Variants in TG observed in about 807,000 individuals in gnomAD.
TG encodes thyroglobulin.
TG carries 270 observed loss-of-function variants against 324.7 expected under a neutral mutation model. That is an observed-to-expected ratio of 0.83 (90% CI 0.75 to 0.92). The LOEUF (loss-of-function observed/expected upper bound fraction) is 0.92. Ranked by LOEUF, TG falls within the 40% of genes least tolerant of loss-of-function variation. The probability of loss-of-function intolerance (pLI) is 0.00; values close to 1 mark genes in which losing one functional copy is unlikely to be tolerated. For synonymous variants in TG, 1,401 were observed against 1,327.0 expected, an observed-to-expected ratio of 1.06 and a Z score of -1.21; for missense variants, 3,591 against 3,456.4, an observed-to-expected ratio of 1.04 and a Z score of -0.98.
intron 41 of TG, chr8:133,040,000 G>A (rs1430502348): frequency 6.5e-7 from 1 of 1,550,114 alleles, no homozygotes; most frequent in African/African-American, 1.4e-5. Context: ...ATACTCACCT[G>A]GACACTCTCC....
At chr8:133,100,437 T>A (rs1335738521) in intron 43 of TG, among the ~76,000 whole-genome samples, 1 of 152,228 alleles carries the variant, frequency 6.6e-6, no homozygotes, top group East Asian at 1.9e-4. Flanking sequence ...ATGTTTCTAG[T>A]TCTGCTAGAC....
At position 132,983,415 on chromosome 8, in the gene TG, A is replaced by G. The variant is rs778917764; in HGVS notation, c.6262+3A>G. On this transcript the variant is annotated splice_donor_region_variant and intron_variant, in intron 35 of 47. Coordinates refer to ENST00000220616, the MANE Select transcript of TG (RefSeq NM_003235.5). ...TCTGCCTTCCCTCACAGAGAAAGGT[A>G]AGTTCATTGTCTTTTTATCTCTTGG... The G allele has an allele frequency of 6.2e-7, 1 of 1,613,334 alleles. No homozygotes were observed. Among genetic ancestry groups the G allele is most frequent in the Non-Finnish European group, 8.5e-7 (1 of 1,179,246 alleles).
At position 132,901,569 on chromosome 8, in the gene TG, C is replaced by T; in HGVS notation, c.3634+16C>T. On this transcript the variant is annotated intron_variant, in intron 16 of 47. Coordinates refer to ENST00000220616, the MANE Select transcript of TG (RefSeq NM_003235.5). ...GCCTGTGAGAGTAAGTCATGACCCC[C>T]TGGGGGGACGACGAGGCCTGCATAT... The T allele has an allele frequency of 1.2e-6, 2 of 1,608,722 alleles. No individual in the cohort carries two copies. Among genetic ancestry groups the T allele is most frequent in the East Asian group, 2.2e-5 (1 of 44,778 alleles).
chr8:132,961,946 G>A (rs1246775545), intron 28 of TG, among the ~76,000 whole-genome samples: 1 of 152,146 alleles, frequency 6.6e-6, no homozygotes, highest in Non-Finnish European at 1.5e-5. Context: ...CCCCATTCAT[G>A]TGCCTGGGAG....
chr8:133,018,112 G>C, intron 38 of TG, 115 bp downstream of exon 38: 1 of 994,104 alleles, frequency 1.0e-6, no homozygotes, highest in Non-Finnish European at 1.5e-6. Flanking sequence ...GCAATGTATG[G>C]AGGATGGAAT....
intron 41 of TG, among the ~76,000 whole-genome samples, chr8:133,061,394 A>G (rs907470513): frequency 3.3e-5 from 5 of 152,254 alleles, no homozygotes; most frequent in Non-Finnish European, 5.9e-5. Flanking sequence ...GAGATAAAGC[A>G]TGGGAACCAC....
chr8:132,918,786 C>T (rs977822526), intron 20 of TG, among the ~76,000 whole-genome samples: 49 of 152,284 alleles, frequency 3.2e-4, no homozygotes, highest in East Asian at 9.7e-4. Flanking sequence ...GTAAGAAAAA[C>T]GGATTAAAAT....
At position 132,929,104 on chromosome 8, in the gene TG, A is replaced by G; in HGVS notation, c.4728A>G (p.Glu1576=). The part of the protein sequence containing the change: ...LMMQKFEKVP[E]SKVIFDANAP... ...TGCAGAAGTTTGAGAAGGTTCCAGA[A>G]TCAAAGGTGATCTTCGACGCCAATG... The change falls in exon 23 of 48, where the codon GAA becomes GAG. Residue 1576 remains glutamate, a synonymous_variant. Coordinates refer to ENST00000220616, the MANE Select transcript of TG (RefSeq NM_003235.5). 6.2e-7 allele frequency: 1 copy of G among 1,614,070 alleles called. No individual in the cohort carries two copies. Among genetic ancestry groups the G allele is most frequent in the Non-Finnish European group, 8.5e-7 (1 of 1,180,018 alleles).
chr8:132,886,720 T>C lies in TG; in HGVS notation c.1348T>C (p.Ser450Pro), dbSNP rs1460459639. Residue 450 changes from serine to proline, a missense_variant, in exon 9 of 48, where the codon TCC becomes CCC. Ser to Pro is a moderately conservative substitution (Grantham distance 74). Coordinates refer to ENST00000220616, the MANE Select transcript of TG (RefSeq NM_003235.5). ...LKEAIRAIFP[S>P]RGLARLALQF... ...AGAAGCCATCCGAGCAATTTTTCCC[T>C]CCCGAGGGCTGGCTCGTCTTGCCCT... is the stretch of plus-strand genomic sequence containing the variant. 6.2e-7 allele frequency: 1 copy of C among 1,614,088 alleles called. No homozygotes were observed. Among genetic ancestry groups the C allele is most frequent in the Non-Finnish European group, 8.5e-7 (1 of 1,180,024 alleles).
chr8:133,133,736 G>C lies in TG; in HGVS notation c.8188+76G>C, dbSNP rs1417116968. On this transcript the variant is annotated intron_variant, in intron 47 of 47. Coordinates refer to ENST00000220616, the MANE Select transcript of TG (RefSeq NM_003235.5). Reference sequence around the variant, plus strand: ...CTGCTGTGCTCGCTGCATGAGACCTGTGCTGCGCGCGCATTGGAGCCAAGG... The same window carrying C: ...CTGCTGTGCTCGCTGCATGAGACCTCTGCTGCGCGCGCATTGGAGCCAAGG... 3 of 1,501,876 alleles carry C rather than the reference G, an allele frequency of 2.0e-6. No individual in the cohort carries two copies. In the African/African-American group the frequency reaches 4.1e-5, roughly 21 times the overall value. 93.0% of individuals were successfully genotyped at this position (1,501,876 alleles called of 1,614,324 possible).
intron 45 of TG, among the ~76,000 whole-genome samples, chr8:133,121,072 C>T (rs1851105901): frequency 2.0e-5 from 3 of 152,202 alleles, no homozygotes; most frequent in African/African-American, 7.2e-5. Flanking sequence ...TGCAGAGGCC[C>T]TCATAACTAC....
At chr8:132,937,471 G>A (rs895483523) in intron 25 of TG, among the ~76,000 whole-genome samples, 16 of 152,052 alleles carry the variant, frequency 1.1e-4, no homozygotes, top group African/African-American at 3.6e-4. Flanking sequence ...GGCAGAGCTC[G>A]GCTCTCTCTA....
chr8:132,951,979 G>A (rs757481570), intron 27 of TG, among the ~76,000 whole-genome samples: 1 of 152,152 alleles, frequency 6.6e-6, no homozygotes, highest in African/African-American at 2.4e-5. Context: ...AAGAACATAG[G>A]GGGTGCTAGG....
chr8:132,964,334 T>C (rs1370911037), intron 29 of TG, among the ~76,000 whole-genome samples: 1 of 151,996 alleles, frequency 6.6e-6, no homozygotes, highest in Non-Finnish European at 1.5e-5. Flanking sequence ...TCAGGGTGAA[T>C]AGACAAGGCT....
At chr8:133,010,265 G>A (rs1279032510) in intron 35 of TG, among the ~76,000 whole-genome samples, 1 of 152,158 alleles carries the variant, frequency 6.6e-6, no homozygotes, top group Admixed American at 6.5e-5. Flanking sequence ...AGAGGCACTA[G>A]AGCCCCTACC....
rs761650362 is a variant in TG, at chr8:133,131,875, G to A, written c.7926G>A (p.Gly2642=). 1.2e-6 allele frequency: 2 copies of A among 1,614,068 alleles called. No individual in the cohort carries two copies. Among genetic ancestry groups the A allele is most frequent in the Non-Finnish European group, 1.7e-6 (2 of 1,180,032 alleles). The part of the protein sequence containing the change: ...LGLPFYPAYE[G]QFSLEEKSLS... ...TTCCCTTCTACCCAGCCTACGAGGG[G>A]CAGTTTTCTCTGGAGGAGAAGAGCC... Residue 2642 remains glycine (G), a synonymous_variant, in exon 46 of 48, where the codon GGG becomes GGA. Coordinates refer to ENST00000220616, the MANE Select transcript of TG (RefSeq NM_003235.5).
At chr8:132,952,500 A>G (rs1004801023) in intron 27 of TG, among the ~76,000 whole-genome samples, 9 of 152,162 alleles carry the variant, frequency 5.9e-5, no homozygotes, top group Non-Finnish European at 8.8e-5. Context: ...CCCTAACAGC[A>G]CACCCAACAG....
chr8:133,019,605 C>T lies in TG; in HGVS notation c.6786C>T (p.Ala2262=), dbSNP rs548133011. ...GTCACCCAGTCTGTATCTGCAGGGCCAGCTGCTGGCAGCCAGGCACCAGAA... is the reference window on the plus strand; with the variant it reads ...GTCACCCAGTCTGTATCTGCAGGGCTAGCTGCTGGCAGCCAGGCACCAGAA... ...TGSWDASKPR[A]SCWQPGTRTS... The change falls in exon 39 of 48, where the codon GCC becomes GCT. Residue 2262 remains alanine (A), a synonymous_variant. Transcript: ENST00000220616. 3.7e-5 allele frequency: 60 copies of T among 1,613,604 alleles called. No homozygotes were observed. The South Asian group carries it at 6.3e-4, about 17-fold the overall frequency.
intron 45 of TG, among the ~76,000 whole-genome samples, chr8:133,118,806 T>C (rs1850917051): frequency 6.6e-6 from 1 of 152,198 alleles, no homozygotes. Flanking sequence ...CCCTGGAACC[T>C]GGAACATTAC....
Sources: allele counts gnomAD v4.1 joint callset (sites outside exome capture counted in the v4.1 genomes callset), GRCh38; gene constraint gnomAD v4.1.1; transcripts MANE v1.5; gene names NCBI Gene and HGNC (gene_info 2026-07-23, HGNC 2026-07-21).